The following CNKSR2 variants were observed in gnomAD, a reference collection of about 807,000 sequenced individuals.
CNKSR2 encodes CNK homolog protein 2.
Under a neutral mutation model 84.4 loss-of-function variants are expected in CNKSR2, and 14 were observed. The observed-to-expected ratio is 0.17, with a 90% CI of 0.11 to 0.26. The LOEUF is 0.26. CNKSR2 is among the 10% of genes least tolerant of loss of function. The pLI, the probability that CNKSR2 is intolerant of heterozygous loss-of-function variation, is 1.00. For synonymous variants in CNKSR2, 275 were observed against 277.9 expected (o/e 0.99, Z 0.10); for missense variants, 485 against 771.2 (o/e 0.63, Z 4.40).
At chrX:21,641,975 T>C in intron 20 of CNKSR2, 1 of 764,216 alleles carries the variant, frequency 1.3e-6, no homozygotes. Context: ...TGTGTTCTCC[T>C]GACACCAGGA....
chrX:21,630,211 G>T (rs926000151), intron 20 of CNKSR2, among the ~76,000 whole-genome samples: 2 of 111,925 alleles, frequency 1.8e-5, no homozygotes, highest in African/African-American at 6.5e-5. Context: ...AGCCAGGCAT[G>T]CCCATAAATC....
chrX:21,453,457 T>G (rs1349981629), intron 4 of CNKSR2, among the ~76,000 whole-genome samples: 1 of 111,676 alleles, frequency 9.0e-6, no homozygotes, highest in African/African-American at 3.3e-5. Flanking sequence ...AACTCCTTGA[T>G]GGCTTGCTCA....
intron 1 of CNKSR2, among the ~76,000 whole-genome samples, chrX:21,400,789 A>C (rs1033606659): frequency 1.8e-5 from 2 of 111,591 alleles, no homozygotes; most frequent in African/African-American, 6.5e-5. Context: ...TGAATGAAAA[A>C]CCAAATCAAA....
At chrX:21,575,351 G>A (rs1423960912) in intron 13 of CNKSR2, among the ~76,000 whole-genome samples, 2 of 109,205 alleles carry the variant, frequency 1.8e-5, no homozygotes, top group African/African-American at 3.3e-5. Context: ...ATCAACTATC[G>A]GTACTCCTCC....
At chrX:21,547,699 T>C (rs181565312) in intron 11 of CNKSR2, among the ~76,000 whole-genome samples, 6 of 111,932 alleles carry the variant, frequency 5.4e-5, no homozygotes, top group African/African-American at 1.9e-4. Context: ...CCTCAGCAAA[T>C]GCAAGAGAAC....
At chrX:21,496,691 G>T (rs1013586369) in intron 6 of CNKSR2, among the ~76,000 whole-genome samples, 8 of 111,227 alleles carry the variant, frequency 7.2e-5, no homozygotes, top group African/African-American at 2.3e-4. Flanking sequence ...ATTAACAAAG[G>T]TATAGGAAAT....
intron 9 of CNKSR2, among the ~76,000 whole-genome samples, chrX:21,525,129 T>C (rs1046927635): frequency 5.4e-5 from 6 of 111,188 alleles, no homozygotes; most frequent in Admixed American, 3.8e-4. Context: ...GTGTATGTAT[T>C]GTTGAATCTG....
chrX:21,417,059 A>T (rs2090432583), intron 1 of CNKSR2, among the ~76,000 whole-genome samples: 1 of 111,364 alleles, frequency 9.0e-6, no homozygotes, highest in South Asian at 3.7e-4. Context: ...TATAACTATA[A>T]ATTTCCCTCT....
intron 8 of CNKSR2, chrX:21,504,429 T>C (rs1601874227): frequency 8.4e-6 from 1 of 119,685 alleles, no homozygotes; most frequent in East Asian, 2.4e-4. Context: ...GACTCATTAA[T>C]GAAAAGAACA....
intron 13 of CNKSR2, among the ~76,000 whole-genome samples, chrX:21,574,383 A>G (rs190474620): frequency 2.8e-3 from 314 of 111,906 alleles, no homozygotes; most frequent in Non-Finnish European, 4.9e-3. Context: ...CACACTGCTA[A>G]TAAAGACATA....
chrX:21,500,710 C>T (rs184153041), intron 7 of CNKSR2, among the ~76,000 whole-genome samples: 212 of 111,015 alleles, frequency 1.9e-3, no homozygotes, highest in African/African-American at 6.3e-3. Flanking sequence ...TCAGTATTAG[C>T]TTACCAAGTT....
intron 1 of CNKSR2, among the ~76,000 whole-genome samples, chrX:21,391,400 C>T (rs2090048930): frequency 8.9e-6 from 1 of 112,430 alleles, no homozygotes; most frequent in African/African-American, 3.2e-5. Context: ...GCTCCCAAGC[C>T]TCAACTCTTA....
intron 13 of CNKSR2, among the ~76,000 whole-genome samples, chrX:21,587,215 A>G (rs1446930175): frequency 8.9e-6 from 1 of 111,876 alleles, no homozygotes; most frequent in African/African-American, 3.2e-5. Flanking sequence ...ATACATTCAA[A>G]TTGCTGAGGC....
intron 4 of CNKSR2, among the ~76,000 whole-genome samples, chrX:21,454,774 A>G (rs1037957850): frequency 8.9e-6 from 1 of 112,254 alleles, no homozygotes; most frequent in Non-Finnish European, 1.9e-5. Context: ...ATCTGTTTGT[A>G]TAATATTTTA....
At chrX:21,648,794 C>CTTTTTGTTTTT (rs2092713025) in intron 20 of CNKSR2, 37 bp from the exon 21 acceptor site, 1 of 238,787 alleles carries the variant, frequency 4.2e-6, no homozygotes, top group Non-Finnish European at 6.5e-6. Context: ...CTCTCTCTTT[C>CTTTTTGTTTTT]TTTTTTTTTT....
At chrX:21,389,453 GA>G (rs2090017715) in intron 1 of CNKSR2, among the ~76,000 whole-genome samples, 1 of 110,883 alleles carries the variant, frequency 9.0e-6, no homozygotes, top group Non-Finnish European at 1.9e-5. Context: ...AAACTATTCT[GA>G]AATTTTTAAA....
intron 20 of CNKSR2, among the ~76,000 whole-genome samples, chrX:21,630,938 G>A (rs968916829): frequency 8.1e-5 from 9 of 111,095 alleles, no homozygotes; most frequent in African/African-American, 1.6e-4. Context: ...ACAGTGAAAC[G>A]AGTCCACCAC....
At chrX:21,623,227 G>A (rs2092609445) in intron 20 of CNKSR2, among the ~76,000 whole-genome samples, 1 of 111,203 alleles carries the variant, frequency 9.0e-6, no homozygotes, top group Non-Finnish European at 1.9e-5. Context: ...ATAAATAATA[G>A]CTTCAAATTA....
chrX:21,596,351 G>A (rs1255847541), intron 17 of CNKSR2, among the ~76,000 whole-genome samples: 1 of 111,806 alleles, frequency 8.9e-6, no homozygotes, highest in Non-Finnish European at 1.9e-5. Flanking sequence ...TGAGGTATTA[G>A]CCCTTTAATA....
Sources: allele counts gnomAD v4.1 joint callset (sites outside exome capture counted in the v4.1 genomes callset), GRCh38; gene constraint gnomAD v4.1.1; transcripts MANE v1.5; gene names NCBI Gene and HGNC (gene_info 2026-07-23, HGNC 2026-07-21).